TMEM132D: variants seen among roughly 807,000 people sequenced by gnomAD.
TMEM132D encodes mature OL transmembrane protein.
In TMEM132D, 21 loss-of-function variants were observed where a neutral mutation model predicts 62.3. That is an observed-to-expected ratio of 0.34 (90% confidence interval 0.24 to 0.49). The LOEUF (loss-of-function observed/expected upper bound fraction) is 0.49, where lower values mean the gene tolerates loss of function less well. Among genes scored for constraint, TMEM132D ranks in the 20% least tolerant of loss-of-function variants. The pLI is 0.99. For missense variants in TMEM132D, 1,346 were observed against 1,402.8 expected (o/e 0.96, Z 0.65); for synonymous variants, 621 against 575.6 (o/e 1.08, Z -1.13).
At chr12:129,902,430 A>C (rs1401695444) in intron 1 of TMEM132D, among the ~76,000 whole-genome samples, 2 of 152,202 alleles carry the variant, frequency 1.3e-5, no homozygotes, top group African/African-American at 4.8e-5. Flanking sequence ...CATGAGAAAG[A>C]ATCTCCCGCA....
At chr12:129,077,733 T>C (rs936228979) in intron 8 of TMEM132D, among the ~76,000 whole-genome samples, 1 of 151,334 alleles carries the variant, frequency 6.6e-6, no homozygotes, top group Non-Finnish European at 1.5e-5. Flanking sequence ...AATAGACACA[T>C]GCAATGCATA....
intron 2 of TMEM132D, among the ~76,000 whole-genome samples, chr12:129,595,380 T>C (rs540409913): frequency 1.3e-5 from 2 of 152,312 alleles, no homozygotes; most frequent in South Asian, 2.1e-4. Flanking sequence ...GGATTACTTC[T>C]GTGAGGTGTC....
intron 4 of TMEM132D, among the ~76,000 whole-genome samples, chr12:129,236,118 G>C (rs368877311): frequency 0.22 from 30,651 of 141,152 alleles, 3,166 homozygotes; most frequent in Non-Finnish European, 0.24. Flanking sequence ...GTGTGTGTGT[G>C]TGTGTGTGTG....
chr12:129,590,617 T>A (rs1042608966), intron 2 of TMEM132D, among the ~76,000 whole-genome samples: 3 of 152,218 alleles, frequency 2.0e-5, no homozygotes, highest in Non-Finnish European at 4.4e-5. Context: ...GAAAGTTGCA[T>A]CTGCTGCAGC....
At chr12:129,204,192 G>T (rs1878783478) in intron 5 of TMEM132D, among the ~76,000 whole-genome samples, 2 of 152,160 alleles carry the variant, frequency 1.3e-5, no homozygotes, top group African/African-American at 4.8e-5. Context: ...TGAAATGGCT[G>T]AAATGATATA....
intron 1 of TMEM132D, among the ~76,000 whole-genome samples, chr12:129,833,304 T>C (rs1468592880): frequency 1.3e-5 from 2 of 152,022 alleles, no homozygotes; most frequent in Non-Finnish European, 2.9e-5. Context: ...CCTACACCAT[T>C]AAAGAATATT....
chr12:129,423,508 G>C (rs981879546), intron 3 of TMEM132D, among the ~76,000 whole-genome samples: 1 of 152,088 alleles, frequency 6.6e-6, no homozygotes, highest in African/African-American at 2.4e-5. Context: ...AGGGGATGTA[G>C]GGGTTGTAGG....
At chr12:129,529,579 T>C (rs1454037199) in intron 3 of TMEM132D, among the ~76,000 whole-genome samples, 1 of 152,258 alleles carries the variant, frequency 6.6e-6, no homozygotes, top group Non-Finnish European at 1.5e-5. Context: ...CTGCTTCTAC[T>C]AATACATAAA....
chr12:129,775,656 A>T (rs1870898636), intron 1 of TMEM132D, among the ~76,000 whole-genome samples: 1 of 152,218 alleles, frequency 6.6e-6, no homozygotes, highest in South Asian at 2.1e-4. Context: ...AGAAAATCAA[A>T]GAGAAAAGGA....
intron 5 of TMEM132D, among the ~76,000 whole-genome samples, chr12:129,121,137 C>T (rs112856612): frequency 5.9e-4 from 89 of 151,984 alleles, no homozygotes; most frequent in African/African-American, 2.0e-3. Flanking sequence ...GGTCTGTGGC[C>T]CAGGCTGGAG....
At chr12:129,760,484 T>A (rs1593151076) in intron 1 of TMEM132D, among the ~76,000 whole-genome samples, 1 of 151,534 alleles carries the variant, frequency 6.6e-6, no homozygotes, top group South Asian at 2.1e-4. Flanking sequence ...GGCCCCCGCC[T>A]CCACTACAGG....
At chr12:129,437,647 G>A (rs1872822336) in intron 3 of TMEM132D, among the ~76,000 whole-genome samples, 1 of 151,998 alleles carries the variant, frequency 6.6e-6, no homozygotes, top group Non-Finnish European at 1.5e-5. Flanking sequence ...GTGTTTGGCA[G>A]TACTAAAGCT....
chr12:129,217,315 A>G (rs971674632), intron 4 of TMEM132D, among the ~76,000 whole-genome samples: 3 of 152,192 alleles, frequency 2.0e-5, no homozygotes, highest in African/African-American at 7.2e-5. Flanking sequence ...AAAACAACAT[A>G]CCACATGTTC....
intron 5 of TMEM132D, among the ~76,000 whole-genome samples, chr12:129,121,592 G>A (rs778473027): frequency 3.9e-5 from 6 of 152,144 alleles, no homozygotes; most frequent in East Asian, 1.9e-4. Flanking sequence ...TGGGGCCCCC[G>A]AGCCCAGGAA....
At chr12:129,540,401 A>G (rs10744424) in intron 2 of TMEM132D, among the ~76,000 whole-genome samples, 118,015 of 152,078 alleles carry the variant, frequency 0.78, 47,348 homozygotes, top group East Asian at 0.99. Context: ...ATCCGTGGCT[A>G]TAAAGGACTG....
chr12:129,535,727 G>A (rs1876362978), intron 2 of TMEM132D, among the ~76,000 whole-genome samples: 2 of 151,868 alleles, frequency 1.3e-5, no homozygotes, highest in Non-Finnish European at 2.9e-5. Flanking sequence ...GTGGGATAAA[G>A]GGGAATTTCA....
chr12:129,344,362 A>ACTGAAGAGGCC (rs1437233485), intron 3 of TMEM132D, among the ~76,000 whole-genome samples: 1 of 152,152 alleles, frequency 6.6e-6, no homozygotes, highest in Non-Finnish European at 1.5e-5. Context: ...AATGGATGAT[A>ACTGAAGAGGCC]CTGAAGAGGC....
chr12:129,406,112 A>T (rs1313582644), intron 3 of TMEM132D, among the ~76,000 whole-genome samples: 2 of 152,240 alleles, frequency 1.3e-5, no homozygotes, highest in African/African-American at 2.4e-5. Flanking sequence ...TTAAGACATA[A>T]GTCAGATATT....
intron 5 of TMEM132D, among the ~76,000 whole-genome samples, chr12:129,192,841 A>G (rs1878442080): frequency 6.6e-6 from 1 of 152,166 alleles, no homozygotes; most frequent in Non-Finnish European, 1.5e-5. Flanking sequence ...CTAAATCACT[A>G]TATACAACAC....
Sources: gnomAD v4.1 joint callset for allele counts (sites outside exome capture counted in the v4.1 genomes callset) on GRCh38, gnomAD v4.1.1 for gene constraint, MANE v1.5 for transcripts, NCBI Gene and HGNC (gene_info 2026-07-23, HGNC 2026-07-21) for gene names.